The following EVI5 variants were observed in gnomAD, a reference collection of about 807,000 sequenced individuals.
The protein encoded by EVI5 is ecotropic viral integration site 5 protein homolog.
EVI5 carries 73 observed loss-of-function variants against 112.0 expected under a neutral mutation model. The observed-to-expected ratio is 0.65, with a 90% CI of 0.54 to 0.79. The LOEUF (loss-of-function observed/expected upper bound fraction) is 0.79, where lower values mean the gene tolerates loss of function less well. Among genes scored for constraint, EVI5 ranks in the 30% least tolerant of loss-of-function variants. The pLI is 0.00. For missense variants in EVI5, 900 were observed against 968.8 expected, an observed-to-expected ratio of 0.93 and a Z score of 0.94; for synonymous variants, 305 against 319.9, an observed-to-expected ratio of 0.95 and a Z score of 0.50.
intron 2 of EVI5, among the ~76,000 whole-genome samples, chr1:92,735,473 G>A (rs1677167647): frequency 6.6e-6 from 1 of 151,626 alleles, no homozygotes; most frequent in Non-Finnish European, 1.5e-5. Flanking sequence ...ACGCATAGTT[G>A]ATTACAACAA....
chr1:92,708,918 C>G (rs1423782887), intron 2 of EVI5, among the ~76,000 whole-genome samples: 1 of 152,022 alleles, frequency 6.6e-6, no homozygotes, highest in Non-Finnish European at 1.5e-5. Flanking sequence ...GAAAATAGAT[C>G]AGCAGCTGCT....
intron 14 of EVI5, among the ~76,000 whole-genome samples, chr1:92,628,190 T>C (rs1240336274): frequency 6.6e-6 from 1 of 152,214 alleles, no homozygotes; most frequent in Non-Finnish European, 1.5e-5. Flanking sequence ...TGTTTTCGTC[T>C]TACTGATTTG....
chr1:92,706,512 A>G (rs1003531314), intron 2 of EVI5, among the ~76,000 whole-genome samples: 2 of 152,236 alleles, frequency 1.3e-5, no homozygotes, highest in Non-Finnish European at 2.9e-5. Context: ...TATGCAGTTC[A>G]AAGAAAATAA....
chr1:92,591,042 C>A (rs1284369234), intron 18 of EVI5, among the ~76,000 whole-genome samples: 3 of 152,160 alleles, frequency 2.0e-5, no homozygotes, highest in Non-Finnish European at 4.4e-5. Flanking sequence ...GAAATAAAAT[C>A]CTTTACAGAC....
At chr1:92,711,051 A>G (rs1672773151) in intron 2 of EVI5, among the ~76,000 whole-genome samples, 1 of 152,206 alleles carries the variant, frequency 6.6e-6, no homozygotes, top group Non-Finnish European at 1.5e-5. Context: ...CGATGGCCAT[A>G]TAAGAAAAAA....
At chr1:92,712,101 C>T (rs1209652383) in intron 2 of EVI5, among the ~76,000 whole-genome samples, 4 of 152,150 alleles carry the variant, frequency 2.6e-5, no homozygotes, top group African/African-American at 4.8e-5. Context: ...TAGCTTTCAA[C>T]GCATGAATTT....
intron 19 of EVI5, among the ~76,000 whole-genome samples, chr1:92,537,537 T>C (rs1395585646): frequency 6.6e-6 from 1 of 152,188 alleles, no homozygotes; most frequent in Non-Finnish European, 1.5e-5. Flanking sequence ...ATACCTTTAA[T>C]AGTTTTCTGT....
intron 14 of EVI5, among the ~76,000 whole-genome samples, chr1:92,635,264 C>T (rs1212747625): frequency 1.3e-5 from 2 of 152,214 alleles, no homozygotes; most frequent in Non-Finnish European, 2.9e-5. Flanking sequence ...ATTCGCTATG[C>T]CCTGCCCCCG....
chr1:92,780,638 G>A (rs975253304), intron 1 of EVI5, among the ~76,000 whole-genome samples: 4 of 152,100 alleles, frequency 2.6e-5, no homozygotes, highest in African/African-American at 9.7e-5. Flanking sequence ...ATGAAAAAAA[G>A]TGCCACACAG....
At chr1:92,688,470 A>G (rs1256650958) in intron 9 of EVI5, among the ~76,000 whole-genome samples, 3 of 152,188 alleles carry the variant, frequency 2.0e-5, no homozygotes, top group Non-Finnish European at 4.4e-5. Context: ...TCATTCTGAA[A>G]TTGTTCATTT....
In EVI5 at chr1:92,782,207, G is replaced by A. The variant is rs148222642; in HGVS notation, c.-82+2629C>T. Among the ~76,000 whole-genome samples, 120 of 151,870 alleles carry A rather than the reference G, an allele frequency of 7.9e-4. 1 individual carries two copies. In the Middle Eastern group the frequency reaches 0.01, roughly 13 times the overall value. ...CCGGGAGGCGAGGGTGCAGTGAGCC[G>A]AGATCGCGCCACTGCACTCTAGCCT... is the stretch of plus-strand genomic sequence containing the variant. On this transcript the variant is annotated intron_variant, in intron 1 of 19. Transcript: ENST00000684568.
chr1:92,669,546 T>TAAAAAAAAAAAAAA (rs1558034630), intron 10 of EVI5, among the ~76,000 whole-genome samples: 4 of 6,548 alleles, frequency 6.1e-4, no homozygotes, highest in Admixed American at 1.8e-3. Context: ...AGGCTCTGTC[T>TAAAAAAAAAAAAAA]CAAAAAAAAA....
Position 92,636,203 on chromosome 1 carries a change from T to G in EVI5, c.1526A>C (p.Lys509Thr). ...EMQDKVLDIE[K>T]RNNSLPDENN... ...ACTGCATTTGTGTAGGTTTCTTACC[T>G]TCTCTATATCCAAGACTTTATCCTG... Residue 509 changes from lysine (K) to threonine (T), a missense_variant and splice_region_variant, in exon 14 of 20, where the codon AAG becomes ACG. By Grantham distance (78) the Lys-to-Thr change is moderately conservative. Coordinates refer to ENST00000684568, the MANE Select transcript of EVI5 (RefSeq NM_001350197.2). The G allele has an allele frequency of 6.2e-7, 1 of 1,610,550 alleles. No homozygotes were observed. Among genetic ancestry groups the G allele is most frequent in the Non-Finnish European group, 8.5e-7 (1 of 1,178,496 alleles).
intron 19 of EVI5, among the ~76,000 whole-genome samples, chr1:92,546,369 C>T (rs1051425060): frequency 3.9e-5 from 6 of 151,946 alleles, no homozygotes; most frequent in African/African-American, 1.5e-4. Context: ...AGAACAAAGA[C>T]ACACAAAATC....
intron 16 of EVI5, among the ~76,000 whole-genome samples, chr1:92,617,827 T>C (rs1653574365): frequency 6.6e-6 from 1 of 152,138 alleles, no homozygotes. Context: ...TGGATATGGG[T>C]TTACCTATCC....
At chr1:92,691,375 C>T (rs1235487498) in intron 9 of EVI5, among the ~76,000 whole-genome samples, 1 of 151,112 alleles carries the variant, frequency 6.6e-6, no homozygotes, top group Non-Finnish European at 1.5e-5. Flanking sequence ...CTTTGAAATA[C>T]TTTGAAAAAA....
In EVI5 at chr1:92,570,150, T is replaced by C. The variant is rs191389134; in HGVS notation, c.2071-6413A>G. Reference sequence around the variant, plus strand: ...CATTCATATAAAAGAAACAAAATCATTATTCTCATAGGAGGTATTCTCCAA... The same window carrying C: ...CATTCATATAAAAGAAACAAAATCACTATTCTCATAGGAGGTATTCTCCAA... On this transcript the variant is annotated intron_variant, in intron 18 of 19. Coordinates refer to ENST00000684568, the MANE Select transcript of EVI5 (RefSeq NM_001350197.2). Among the ~76,000 whole-genome samples, 7 of 152,260 alleles carry C rather than the reference T, an allele frequency of 4.6e-5. No homozygotes were observed. In the East Asian group the frequency reaches 1.4e-3, roughly 29 times the overall value.
intron 2 of EVI5, among the ~76,000 whole-genome samples, chr1:92,714,690 A>G (rs1673347772): frequency 6.6e-6 from 1 of 152,188 alleles, no homozygotes; most frequent in Admixed American, 6.5e-5. Context: ...TCTGGGCTAC[A>G]GCAATACTTC....
At chr1:92,721,885 T>C (rs1427993271) in intron 2 of EVI5, among the ~76,000 whole-genome samples, 1 of 152,132 alleles carries the variant, frequency 6.6e-6, no homozygotes, top group African/African-American at 2.4e-5. Context: ...AAATTCAACT[T>C]TGGTCACTTA....
Sources: gnomAD v4.1 joint callset for allele counts (sites outside exome capture counted in the v4.1 genomes callset) on GRCh38, gnomAD v4.1.1 for gene constraint, MANE v1.5 for transcripts, NCBI Gene and HGNC (gene_info 2026-07-23, HGNC 2026-07-21) for gene names.